The following COL4A2 variants were observed in gnomAD, a reference collection of about 807,000 sequenced individuals.
COL4A2 encodes the protein collagen alpha-2(IV) chain.
Under a neutral mutation model 200.2 loss-of-function variants are expected in COL4A2, and 99 were observed. The ratio of observed to expected loss-of-function variants is 0.49; its 90% CI spans 0.42 to 0.58. The LOEUF is 0.58. COL4A2 is among the 20% of genes least tolerant of loss of function. The pLI is 0.00. For synonymous variants in COL4A2, 897 were observed against 900.6 expected, an observed-to-expected ratio of 1.00 and a Z score of 0.07; for missense variants, 1,950 against 2,314.1, an observed-to-expected ratio of 0.84 and a Z score of 3.23.
chr13:110,364,314 A>G (rs1192257752), intron 4 of COL4A2, among the ~76,000 whole-genome samples: 1 of 152,228 alleles, frequency 6.6e-6, no homozygotes, highest in Non-Finnish European at 1.5e-5. Flanking sequence ...TGGCTCATCC[A>G]GCGCTGCAGG....
chr13:110,468,747 C>T (rs1056461418), intron 27 of COL4A2, among the ~76,000 whole-genome samples: 1 of 152,166 alleles, frequency 6.6e-6, no homozygotes, highest in African/African-American at 2.4e-5. Context: ...CTCAGCCCTT[C>T]AATTATCAGA....
intron 28 of COL4A2, among the ~76,000 whole-genome samples, chr13:110,471,237 C>T (rs2139510652): frequency 6.6e-6 from 1 of 152,304 alleles, no homozygotes; most frequent in Admixed American, 6.5e-5. Context: ...ACACGGGGCT[C>T]CCCTGTAGGG....
chr13:110,501,832 G>T, intron 41 of COL4A2, 48 bp downstream of exon 41: 1 of 1,553,856 alleles, frequency 6.4e-7, no homozygotes, highest in South Asian at 1.1e-5. Context: ...AGGGGCAGGA[G>T]CTGGCAATGG....
At chr13:110,454,182 G>A (rs1881634981) in intron 20 of COL4A2, among the ~76,000 whole-genome samples, 1 of 152,178 alleles carries the variant, frequency 6.6e-6, no homozygotes, top group Non-Finnish European at 1.5e-5. Context: ...GGCCTGGCTT[G>A]TTTGGCCAGG....
intron 45 of COL4A2, among the ~76,000 whole-genome samples, chr13:110,504,985 A>C (rs561678570): frequency 1.3e-5 from 2 of 152,116 alleles, no homozygotes; most frequent in Non-Finnish European, 1.5e-5. Flanking sequence ...AAAAAAAAAA[A>C]CCTCAAAATT....
chr13:110,400,110 A>G (rs1879319655), intron 4 of COL4A2, among the ~76,000 whole-genome samples: 1 of 152,162 alleles, frequency 6.6e-6, no homozygotes, highest in East Asian at 1.9e-4. Flanking sequence ...AACCTCACTA[A>G]CTAGCCAGCC....
At chr13:110,475,176 G>C (rs191206282) in intron 29 of COL4A2, among the ~76,000 whole-genome samples, 4 of 152,350 alleles carry the variant, frequency 2.6e-5, no homozygotes, top group Non-Finnish European at 2.9e-5. Context: ...GGGAGGCCTC[G>C]TGCTCGGCCA....
Position 110,474,539 on chromosome 13 carries a change from C to A in COL4A2, c.2425+1389C>A, listed in dbSNP as rs186167738. On this transcript the variant is annotated intron_variant, in intron 29 of 47. Transcript: ENST00000360467. ...GAGAGCAAGGAAGAGCCTAAGATGG[C>A]CAGAGTGCATGCATGCACACACACA... 3.9e-3 allele frequency among the ~76,000 whole-genome samples: 573 copies of A among 145,814 alleles called. 3 individuals carry two copies. Among genetic ancestry groups the A allele is most frequent in the African/African-American group, 0.013 (533 of 39,506 alleles).
At chr13:110,438,697 G>A in intron 15 of COL4A2, 29 bp downstream of exon 15, 2 of 1,614,144 alleles carry the variant, frequency 1.2e-6, no homozygotes, top group South Asian at 2.2e-5. Context: ...AACTGCAGTT[G>A]TCGGTTTGGT....
intron 4 of COL4A2, among the ~76,000 whole-genome samples, chr13:110,400,333 C>G (rs1387135339): frequency 3.3e-5 from 5 of 152,152 alleles, no homozygotes; most frequent in Admixed American, 1.3e-4. Flanking sequence ...ATTAATTCAC[C>G]TCTTGACTTT....
chr13:110,462,558 A>G (rs1882071415), intron 24 of COL4A2, 174 bp downstream of exon 24: 1 of 602,230 alleles, frequency 1.7e-6, no homozygotes, highest in Non-Finnish European at 2.8e-6. Context: ...TTTTTAGGAA[A>G]CGGTGAATTA....
At position 110,474,866 on chromosome 13, in the gene COL4A2, C is replaced by CACA. The variant is rs1254530813; in HGVS notation, c.2425+1716_2425+1717insACA. ...GCATGCTCAAACATGATCACACACT[C>CACA]CATACACACACGTACCCACACACGT... On this transcript the variant is annotated intron_variant, in intron 29 of 47. Coordinates refer to ENST00000360467, the MANE Select transcript of COL4A2 (RefSeq NM_001846.4). Among the ~76,000 whole-genome samples the CACA allele has an allele frequency of 6.0e-5, 8 of 134,154 alleles. 1 individual carries two copies. Among genetic ancestry groups the CACA allele is most frequent in the Non-Finnish European group, 9.6e-5 (6 of 62,710 alleles). The allele number at this position is 134,154 out of a possible 152,430, so 88.0% of individuals were successfully genotyped here.
chr13:110,450,581 G>A (rs1192131319), intron 20 of COL4A2, 127 bp downstream of exon 20: 5 of 1,104,270 alleles, frequency 4.5e-6, no homozygotes, highest in South Asian at 1.5e-5. Context: ...CAGTGATTAG[G>A]GTGCAGTGGA....
chr13:110,458,619 C>A (rs1881874266), intron 21 of COL4A2, 152 bp from the exon 22 acceptor site: 2 of 874,892 alleles, frequency 2.3e-6, no homozygotes, highest in Non-Finnish European at 3.5e-6. Context: ...GTTTTCCCAT[C>A]TAAGAAATGG....
chr13:110,403,646 C>G (rs1879457151), intron 4 of COL4A2, among the ~76,000 whole-genome samples: 1 of 152,184 alleles, frequency 6.6e-6, no homozygotes, highest in African/African-American at 2.4e-5. Flanking sequence ...TCAGAATCAC[C>G]CTTAAGGTTC....
intron 4 of COL4A2, among the ~76,000 whole-genome samples, chr13:110,382,751 A>G (rs536155543): frequency 5.9e-5 from 9 of 152,364 alleles, no homozygotes; most frequent in East Asian, 1.9e-4. Context: ...CTAGCTATCT[A>G]TTTTAATGAG....
At chr13:110,388,044 G>T (rs1878832278) in intron 4 of COL4A2, among the ~76,000 whole-genome samples, 1 of 152,214 alleles carries the variant, frequency 6.6e-6, no homozygotes, top group South Asian at 2.1e-4. Context: ...ACTAAATGAT[G>T]ATTATGTTAA....
At chr13:110,492,571 C>T (rs1883319943) in intron 38 of COL4A2, among the ~76,000 whole-genome samples, 1 of 152,258 alleles carries the variant, frequency 6.6e-6, no homozygotes, top group East Asian at 1.9e-4. Flanking sequence ...ACGGGCCACC[C>T]TGCCATGCTC....
intron 4 of COL4A2, among the ~76,000 whole-genome samples, chr13:110,408,332 G>T (rs1322565238): frequency 6.6e-6 from 1 of 152,196 alleles, no homozygotes; most frequent in African/African-American, 2.4e-5. Context: ...ATGGTTCAAG[G>T]TGTGAATGGG....
Sources: gnomAD v4.1 joint callset for allele counts (sites outside exome capture counted in the v4.1 genomes callset) on GRCh38, gnomAD v4.1.1 for gene constraint, MANE v1.5 for transcripts, NCBI Gene and HGNC (gene_info 2026-07-23, HGNC 2026-07-21) for gene names.